DDX20: variants seen among roughly 807,000 people sequenced by gnomAD.
The protein encoded by DDX20 is DEAD-box helicase 20.
DDX20 carries 61 observed loss-of-function variants against 76.4 expected under a neutral mutation model. The observed-to-expected ratio is 0.80, with a 90% CI of 0.65 to 0.99. The LOEUF is 0.99. DDX20 is among the 50% of genes least tolerant of loss of function. DDX20 has a pLI of 0.00. For synonymous variants in DDX20, 357 were observed against 357.4 expected, an observed-to-expected ratio of 1.00 and a Z score of 0.01; for missense variants, 976 against 996.8, an observed-to-expected ratio of 0.98 and a Z score of 0.28.
chr1:111,760,430 A>G (rs1164320008), intron 3 of DDX20, 44 bp from the exon 4 acceptor site: 2 of 1,325,936 alleles, frequency 1.5e-6, no homozygotes, highest in Non-Finnish European at 1.1e-6. Context: ...GATTTACACA[A>G]ATTTGGTACA....
chr1:111,762,784 T>TAAA lies in DDX20; in HGVS notation c.1210+16_1210+18dup, dbSNP rs78248378. 154 of 1,525,354 alleles carry TAAA rather than the reference T, an allele frequency of 1.0e-4. 1 individual carries two copies. In the South Asian group the frequency reaches 1.4e-3, roughly 14 times the overall value. 94.5% of individuals were successfully genotyped at this position (1,525,354 alleles called of 1,614,324 possible). ...GGATTGGGAGAGCTGGCCGTTTTGG[T>TAAA]AAAAAAAAAAAAAAAAGTTTGAGTG... On this transcript the variant is annotated splice_region_variant and intron_variant, in intron 9 of 10. Coordinates refer to ENST00000369702, the MANE Select transcript of DDX20 (RefSeq NM_007204.5).
chr1:111,760,964 T>C, intron 5 of DDX20, 23 bp from the exon 6 acceptor site: 1 of 1,608,814 alleles, frequency 6.2e-7, no homozygotes, highest in Middle Eastern at 1.7e-4. Flanking sequence ...ATATTTGTTT[T>C]AACTGATAGC....
At chr1:111,761,922 A>G (rs1400954361) in intron 7 of DDX20, 2 of 185,576 alleles carry the variant, frequency 1.1e-5, no homozygotes, top group African/African-American at 4.7e-5. Context: ...CTTTAACACC[A>G]AATTATAAAC....
In DDX20 at chr1:111,767,800, G is replaced by A. The variant is rs1040164607; in HGVS notation, c.*901G>A. 8 of 152,082 alleles carry A rather than the reference G, an allele frequency of 5.3e-5. No individual in the cohort carries two copies. Among genetic ancestry groups the A allele is most frequent in the Non-Finnish European group, 1.0e-4 (7 of 68,014 alleles). 9.4% of individuals were successfully genotyped at this position (152,082 alleles called of 1,614,324 possible). Reference sequence around the variant, plus strand: ...TGACCTGCTCTGCTGGTAGGCTAGGGGAAGTTCTAGCTCTTAGTTTTAAGT... The same window carrying A: ...TGACCTGCTCTGCTGGTAGGCTAGGAGAAGTTCTAGCTCTTAGTTTTAAGT... On this transcript the variant is annotated 3_prime_UTR_variant, in exon 11 of 11. Coordinates refer to ENST00000369702, the MANE Select transcript of DDX20 (RefSeq NM_007204.5).
rs1431313692 is a variant in DDX20 at position 111,767,017 on chromosome 1, CTT to C, written c.*119_*120del. On this transcript the variant is annotated 3_prime_UTR_variant, in exon 11 of 11. Coordinates refer to ENST00000369702, the MANE Select transcript of DDX20 (RefSeq NM_007204.5). ...GGCATTTCTGATAAACTTGAAAAGACTTGAGTCTTTCCACTGGGACACATCCA... is the reference window on the plus strand; with the variant it reads ...GGCATTTCTGATAAACTTGAAAAGACGAGTCTTTCCACTGGGACACATCCA... 6.6e-6 allele frequency: 5 copies of C among 761,928 alleles called. No individual in the cohort carries two copies. Among genetic ancestry groups the C allele is most frequent in the Admixed American group, 3.0e-5 (1 of 33,842 alleles). The allele number at this position is 761,928 out of a possible 1,614,324, so 47.2% of individuals were successfully genotyped here.
Position 111,759,515 on chromosome 1 carries a change from T to C in DDX20, c.512T>C (p.Leu171Ser), listed in dbSNP as rs771297079. 2 of 1,614,046 alleles carry C rather than the reference T, an allele frequency of 1.2e-6. No homozygotes were observed. The highest frequency in any genetic ancestry group is 1.7e-6 in the Non-Finnish European group (2 of 1,179,980). Residue 171 changes from leucine (L) to serine (S), a missense_variant, in exon 3 of 11, where the codon TTA becomes TCA. This residue lies in a region of DDX20 where 343 missense variants were observed against 286.4 expected (regional missense o/e 1.20). Transcript: ENST00000369702. ...ECHVFIGGTP[L>S]SQDKTRLKKC... ...CATGTCTTTATTGGAGGGACCCCATTATCACAAGACAAAACCAGACTTAAA... is the reference window on the plus strand; with the variant it reads ...CATGTCTTTATTGGAGGGACCCCATCATCACAAGACAAAACCAGACTTAAA...
chr1:111,761,284 G>A lies in DDX20; in HGVS notation c.1021G>A (p.Gly341Ser), dbSNP rs750165086. 2 of 1,611,988 alleles carry A rather than the reference G, an allele frequency of 1.2e-6. No homozygotes were observed. The highest frequency in any genetic ancestry group is 3.3e-5 in the Admixed American group (2 of 59,804). Residue 341 changes from glycine to serine, a missense_variant and splice_region_variant, in exon 7 of 11, where the codon GGC becomes AGC. Transcript: ENST00000369702. ...AGGCTTTCCTGCTGAGTGCATTTCAGGTAAGTTCATCTCTTACTTTAATCT... is the reference window on the plus strand; with the variant it reads ...AGGCTTTCCTGCTGAGTGCATTTCAAGTAAGTTCATCTCTTACTTTAATCT... Reference protein sequence around the residue: ...SKGFPAECISGNMNQNQRLDA... With the variant: ...SKGFPAECISSNMNQNQRLDA...
At position 111,762,254 on chromosome 1, in the gene DDX20, G is replaced by A. The variant is rs1163766979; in HGVS notation, c.1022-1G>A. On this transcript the variant is annotated splice_acceptor_variant, in intron 7 of 10. Coordinates refer to ENST00000369702, the MANE Select transcript of DDX20 (RefSeq NM_007204.5). LOFTEE classifies it high-confidence loss of function. ...GTGACTTTCTTTTGGGGTCCTTTTA[G>A]GCAATATGAATCAGAATCAGCGTCT... The A allele has an allele frequency of 1.2e-6, 2 of 1,611,136 alleles. No homozygotes were observed. Among genetic ancestry groups the A allele is most frequent in the East Asian group, 2.2e-5 (1 of 44,786 alleles).
chr1:111,765,944 A>G lies in DDX20; in HGVS notation c.1520A>G (p.Lys507Arg). ...AATTCTGTATCTGGACTATCAGTCA[A>G]ATCAAAAAATAATACCAAACAAAAG... ...RNNSVSGLSV[K>R]SKNNTKQKLP... The change falls in exon 11 of 11, where the codon AAA becomes AGA. Residue 507 changes from lysine (K) to arginine (R), a missense_variant. By Grantham distance (26) the Lys-to-Arg change is conservative. Transcript: ENST00000369702. 4 of 1,613,462 alleles carry G rather than the reference A, an allele frequency of 2.5e-6. No individual in the cohort carries two copies. The highest frequency in any genetic ancestry group is 3.4e-6 in the Non-Finnish European group (4 of 1,179,900).
At position 111,760,479 on chromosome 1, in the gene DDX20, A is replaced by G. The variant is rs1663650401; in HGVS notation, c.571A>G (p.Ile191Val). 6.3e-7 allele frequency: 1 copy of G among 1,584,504 alleles called. No individual in the cohort carries two copies. Among genetic ancestry groups the G allele is most frequent in the South Asian group, 1.2e-5 (1 of 85,136 alleles). ...AATTTTTTTTTTTTAATTAGGCAGA[A>G]TTAAGCAACTCATAGAACTTGACTA... ...CHIAVGSPGR[I>V]KQLIELDYLN... The change falls in exon 4 of 11, where the codon ATT becomes GTT. Residue 191 changes from isoleucine (I) to valine (V), a missense_variant. Ile to Val is a conservative substitution (Grantham distance 29). Coordinates refer to ENST00000369702, the MANE Select transcript of DDX20 (RefSeq NM_007204.5).
chr1:111,756,474 C>T (rs915737228), intron 1 of DDX20, among the ~76,000 whole-genome samples, 172 bp from the exon 2 acceptor site: 5 of 152,164 alleles, frequency 3.3e-5, no homozygotes, highest in Admixed American at 6.5e-5. Flanking sequence ...AGAAGATAAA[C>T]GGTAAACGTT....
intron 2 of DDX20, among the ~76,000 whole-genome samples, chr1:111,757,790 G>A (rs147195634): frequency 1.3e-3 from 192 of 152,326 alleles, no homozygotes; most frequent in Middle Eastern, 6.8e-3. Flanking sequence ...AGACTAAGAT[G>A]TATTTGAGAT....
In DDX20 at chr1:111,765,832, C is replaced by G; in HGVS notation, c.1408C>G (p.Gln470Glu). The change falls in exon 11 of 11, where the codon CAA becomes GAA. Residue 470 changes from glutamine (Q) to glutamate (E), a missense_variant. Coordinates refer to ENST00000369702, the MANE Select transcript of DDX20 (RefSeq NM_007204.5). ...HTYGIASVPNQPLKKQIQKIE... is the reference protein window; with the variant it reads ...HTYGIASVPNEPLKKQIQKIE... ...ATATGGTATAGCAAGTGTACCTAAC[C>G]AACCCTTAAAAAAGCAAATTCAGAA... 1.2e-6 allele frequency: 2 copies of G among 1,614,040 alleles called. No homozygotes were observed. Among genetic ancestry groups the G allele is most frequent in the Admixed American group, 1.7e-5 (1 of 60,006 alleles).
At chr1:111,758,481 T>A (rs1307348803) in intron 2 of DDX20, among the ~76,000 whole-genome samples, 1 of 152,016 alleles carries the variant, frequency 6.6e-6, no homozygotes, top group Non-Finnish European at 1.5e-5. Context: ...TTTTGTGATC[T>A]AGTCCCTGGA....
At chr1:111,764,018 G>A (rs1391209904) in intron 10 of DDX20, among the ~76,000 whole-genome samples, 2 of 152,024 alleles carry the variant, frequency 1.3e-5, no homozygotes, top group Non-Finnish European at 2.9e-5. Flanking sequence ...TATAGGTCAC[G>A]CCTGTAATGC....
intron 10 of DDX20, among the ~76,000 whole-genome samples, chr1:111,764,093 C>T (rs1336979748): frequency 2.6e-5 from 4 of 151,946 alleles, no homozygotes; most frequent in African/African-American, 7.3e-5. Context: ...TCCTGGCTAA[C>T]ACAGTGAAAC....
At chr1:111,763,158 C>G (rs1254522647) in intron 10 of DDX20, 151 bp downstream of exon 10, 1 of 637,742 alleles carries the variant, frequency 1.6e-6, no homozygotes, top group Non-Finnish European at 2.7e-6. Flanking sequence ...TCACCACACT[C>G]CTATGAGGTG....
chr1:111,765,459 G>C (rs1296713420), intron 10 of DDX20, among the ~76,000 whole-genome samples: 1 of 152,194 alleles, frequency 6.6e-6, no homozygotes, highest in Non-Finnish European at 1.5e-5. Context: ...ATTGTTGCAG[G>C]CTTGTACATT....
chr1:111,765,037 G>A (rs909711625), intron 10 of DDX20, among the ~76,000 whole-genome samples: 3 of 152,198 alleles, frequency 2.0e-5, no homozygotes, highest in African/African-American at 7.2e-5. Flanking sequence ...TGTAAAGCAG[G>A]GGCTTGATAT....
Sources: allele counts gnomAD v4.1 joint callset (sites outside exome capture counted in the v4.1 genomes callset), GRCh38; gene constraint gnomAD v4.1.1; regional missense constraint gnomAD v4.1.1; transcripts MANE v1.5; gene names NCBI Gene and HGNC (gene_info 2026-07-23, HGNC 2026-07-21).